Variants in CNTNAP2 observed in about 807,000 individuals in gnomAD.
CNTNAP2 encodes contactin associated protein 2, also known as contactin-associated protein-like 2.
CNTNAP2 carries 98 observed loss-of-function variants against 155.2 expected under a neutral mutation model. That is an observed-to-expected ratio of 0.63 (90% confidence interval 0.54 to 0.75). The LOEUF is 0.75. Among genes scored for constraint, CNTNAP2 ranks in the 30% least tolerant of loss-of-function variants. CNTNAP2 has a pLI of 0.00. For missense variants in CNTNAP2, 1,727 were observed against 1,688.1 expected (o/e 1.02, Z -0.40); for synonymous variants, 651 against 631.2 (o/e 1.03, Z -0.47).
At chr7:146,524,115 T>A (rs1190092951) in intron 1 of CNTNAP2, among the ~76,000 whole-genome samples, 5 of 152,088 alleles carry the variant, frequency 3.3e-5, no homozygotes, top group Non-Finnish European at 7.4e-5. Flanking sequence ...CACAAGAGTA[T>A]CATGCGAGTT....
At chr7:146,750,191 T>C (rs1231279914) in intron 1 of CNTNAP2, among the ~76,000 whole-genome samples, 1 of 152,136 alleles carries the variant, frequency 6.6e-6, no homozygotes, top group Non-Finnish European at 1.5e-5. Context: ...CACATCCTGA[T>C]GTTCCTATGC....
At chr7:147,960,506 T>C (rs1467597819) in intron 14 of CNTNAP2, among the ~76,000 whole-genome samples, 1 of 152,116 alleles carries the variant, frequency 6.6e-6, no homozygotes, top group African/African-American at 2.4e-5. Flanking sequence ...GCCTGCCAAA[T>C]ATGAGAATAA....
At chr7:146,688,703 T>A (rs1368221279) in intron 1 of CNTNAP2, among the ~76,000 whole-genome samples, 1 of 152,168 alleles carries the variant, frequency 6.6e-6, no homozygotes, top group Non-Finnish European at 1.5e-5. Context: ...TCAGGCCATC[T>A]GGATGTATAC....
At chr7:147,237,458 G>A (rs1242649450) in intron 8 of CNTNAP2, among the ~76,000 whole-genome samples, 1 of 152,116 alleles carries the variant, frequency 6.6e-6, no homozygotes, top group Non-Finnish European at 1.5e-5. Flanking sequence ...ACATGCCCAG[G>A]GTAACCTGTC....
intron 1 of CNTNAP2, among the ~76,000 whole-genome samples, chr7:146,198,555 C>T (rs1381355048): frequency 6.6e-6 from 1 of 152,124 alleles, no homozygotes; most frequent in Non-Finnish European, 1.5e-5. Context: ...ATTTATGTTC[C>T]TGACTCATGT....
intron 1 of CNTNAP2, among the ~76,000 whole-genome samples, chr7:146,764,340 C>T (rs1802158295): frequency 6.6e-6 from 1 of 152,154 alleles, no homozygotes; most frequent in Non-Finnish European, 1.5e-5. Flanking sequence ...AAAACCTCTG[C>T]CTAGCTCCTG....
Position 148,100,162 on chromosome 7 carries a change from G to A in CNTNAP2, c.2384-17956G>A, listed in dbSNP as rs145752262. Among the ~76,000 whole-genome samples, 722 of 152,108 alleles carry A rather than the reference G, an allele frequency of 4.7e-3. 8 individuals are homozygous for A. Among genetic ancestry groups the A allele is most frequent in the African/African-American group, 0.016 (677 of 41,498 alleles). ...TGGGATTACAGGTGTGAGACACCGCGCCCGGCCACGCTCCTCCCTCTTTTG... is the reference window on the plus strand; with the variant it reads ...TGGGATTACAGGTGTGAGACACCGCACCCGGCCACGCTCCTCCCTCTTTTG... On this transcript the variant is annotated intron_variant, in intron 15 of 23. Transcript: ENST00000361727.
chr7:146,328,210 G>T (rs779431808), intron 1 of CNTNAP2, among the ~76,000 whole-genome samples: 1 of 152,080 alleles, frequency 6.6e-6, no homozygotes, highest in Non-Finnish European at 1.5e-5. Context: ...TCTAGGTTGC[G>T]CACTCCTTAT....
At chr7:147,720,662 G>A (rs920810119) in intron 13 of CNTNAP2, among the ~76,000 whole-genome samples, 4 of 152,158 alleles carry the variant, frequency 2.6e-5, no homozygotes, top group Non-Finnish European at 4.4e-5. Context: ...CAGGAGATCC[G>A]ATGGTTTTAT....
intron 3 of CNTNAP2, among the ~76,000 whole-genome samples, chr7:146,897,974 C>A (rs1034367470): frequency 1.1e-4 from 16 of 151,852 alleles, no homozygotes; most frequent in Middle Eastern, 3.4e-3. Flanking sequence ...CAGTGAATGC[C>A]GTTTACAAAT....
chr7:146,831,398 G>GC (rs1297947303), intron 2 of CNTNAP2, among the ~76,000 whole-genome samples: 31 of 152,186 alleles, frequency 2.0e-4, no homozygotes, highest in African/African-American at 7.0e-4. Flanking sequence ...AAAGGAACAG[G>GC]CCAGGCGTGG....
chr7:147,959,369 AC>A (rs1338307575), intron 14 of CNTNAP2, among the ~76,000 whole-genome samples: 4 of 151,964 alleles, frequency 2.6e-5, no homozygotes, highest in Non-Finnish European at 5.9e-5. Context: ...CAGCTCAAGT[AC>A]CCACCATGAG....
intron 13 of CNTNAP2, among the ~76,000 whole-genome samples, chr7:147,668,303 T>A (rs1278406106): frequency 2.1e-4 from 32 of 152,238 alleles, no homozygotes. Context: ...ATGTTCATAG[T>A]GCATTGTCTA....
chr7:147,128,631 A>G, intron 6 of CNTNAP2, 62 bp from the exon 7 acceptor site: 1 of 1,583,216 alleles, frequency 6.3e-7, no homozygotes, highest in Non-Finnish European at 8.7e-7. Context: ...CTGTATTCAT[A>G]GTTTTGTCTA....
intron 18 of CNTNAP2, among the ~76,000 whole-genome samples, chr7:148,198,196 C>A (rs901967023): frequency 3.9e-5 from 6 of 152,196 alleles, no homozygotes; most frequent in Admixed American, 2.6e-4. Flanking sequence ...CACCACCCCC[C>A]ATGGCAGCAG....
At chr7:146,967,283 T>C (rs1797677249) in intron 3 of CNTNAP2, among the ~76,000 whole-genome samples, 1 of 152,212 alleles carries the variant, frequency 6.6e-6, no homozygotes, top group Non-Finnish European at 1.5e-5. Context: ...GCATGTAACC[T>C]ATATATTTCC....
chr7:147,904,831 TTTAA>T (rs1442197069), intron 14 of CNTNAP2, among the ~76,000 whole-genome samples: 2 of 152,170 alleles, frequency 1.3e-5, no homozygotes, highest in South Asian at 2.1e-4. Context: ...ATCATTAATC[TTTAA>T]TTATGGATTA....
intron 14 of CNTNAP2, among the ~76,000 whole-genome samples, chr7:147,964,373 T>C (rs1801168941): frequency 1.3e-5 from 2 of 152,272 alleles, no homozygotes; most frequent in African/African-American, 4.8e-5. Context: ...TTAGAATTGG[T>C]CATCAAGATT....
chr7:148,413,404 AT>A (rs1563079421), intron 23 of CNTNAP2, among the ~76,000 whole-genome samples: 1,212 of 24,558 alleles, frequency 0.049, 258 homozygotes, highest in Non-Finnish European at 0.079. Flanking sequence ...AAAAAAAAAT[AT>A]ATATATATAT....
Sources: allele counts gnomAD v4.1 joint callset (sites outside exome capture counted in the v4.1 genomes callset), GRCh38; gene constraint gnomAD v4.1.1; transcripts MANE v1.5; gene names NCBI Gene and HGNC (gene_info 2026-07-23, HGNC 2026-07-21).